The following EPX variants were observed in gnomAD, a reference collection of about 807,000 sequenced individuals.
EPX encodes the protein eosinophil peroxidase.
EPX carries 60 observed loss-of-function variants against 73.0 expected under a neutral mutation model. The ratio of observed to expected loss-of-function variants is 0.82; its 90% CI spans 0.67 to 1.02. EPX has a LOEUF of 1.02. Among genes scored for constraint, EPX ranks in the 50% least tolerant of loss-of-function variants. EPX has a pLI of 0.00. For missense variants in EPX, 950 were observed against 973.9 expected, an observed-to-expected ratio of 0.98 and a Z score of 0.33; for synonymous variants, 347 against 389.2, an observed-to-expected ratio of 0.89 and a Z score of 1.28.
chr17:58,204,486 T>A, intron 12 of EPX, 52 bp downstream of exon 12: 2 of 1,080,530 alleles, frequency 1.9e-6, no homozygotes, highest in Non-Finnish European at 2.8e-6. Context: ...CCTCACATCC[T>A]TCCCTGGATG....
chr17:58,199,639 G>A lies in EPX; in HGVS notation c.1382G>A (p.Arg461Gln), dbSNP rs755177124. 1.4e-5 allele frequency: 23 copies of A among 1,614,080 alleles called. No individual in the cohort carries two copies. The highest frequency in any genetic ancestry group is 1.6e-4 in the Middle Eastern group (1 of 6,084). ...GGGTACTGCTCCAATGTGGACCCAC[G>A]GGTGGCCAATGTCTTCACCCTGGCC... is the stretch of plus-strand genomic sequence containing the variant. ...YRGYCSNVDPRVANVFTLAFR... is the reference protein window; with the variant it reads ...YRGYCSNVDPQVANVFTLAFR... Residue 461 changes from arginine (R) to glutamine (Q), a missense_variant, in exon 9 of 13, where the codon CGG (arginine) becomes CAG (glutamine). Physicochemically the swap from Arg to Gln is conservative, Grantham distance 43. Coordinates refer to ENST00000225371, the MANE Select transcript of EPX (RefSeq NM_000502.6).
At chr17:58,199,349 T>C in intron 8 of EPX, 149 bp downstream of exon 8, 1 of 1,108,878 alleles carries the variant, frequency 9.0e-7, no homozygotes, top group Non-Finnish European at 1.3e-6. Context: ...CGATTCTGCC[T>C]CTAACTCCCG....
At chr17:58,204,551 T>C in intron 12 of EPX, 117 bp downstream of exon 12, 1 of 674,324 alleles carries the variant, frequency 1.5e-6, no homozygotes, top group South Asian at 1.7e-5. Flanking sequence ...TGTCACTAGG[T>C]ACTCTTTCCA....
intron 8 of EPX, 129 bp downstream of exon 8, chr17:58,199,329 C>A: frequency 8.7e-7 from 1 of 1,151,534 alleles, no homozygotes; most frequent in Non-Finnish European, 1.3e-6. Flanking sequence ...CTGGACCTGT[C>A]CTCTGGCCCC....
At position 58,204,805 on chromosome 17, in the gene EPX, C is replaced by T. The variant is rs1437228569; in HGVS notation, c.*81C>T. 1 of 266,144 alleles carries T rather than the reference C, an allele frequency of 3.8e-6. No individual in the cohort carries two copies. The highest frequency in any genetic ancestry group is 9.1e-5 in the East Asian group (1 of 11,046). 16.5% of individuals were successfully genotyped at this position (266,144 alleles called of 1,614,324 possible). A position where few individuals can be genotyped will look rare whatever the true frequency, so the allele number is the denominator to read the frequency against. On this transcript the variant is annotated 3_prime_UTR_variant, in exon 13 of 13. Coordinates refer to ENST00000225371, the MANE Select transcript of EPX (RefSeq NM_000502.6). ...AGGACCATGAGGCTGCCTTGTCTCCCTGGAGCAAGTGCAGGCTGCTGACGC... is the reference window on the plus strand; with the variant it reads ...AGGACCATGAGGCTGCCTTGTCTCCTTGGAGCAAGTGCAGGCTGCTGACGC...
chr17:58,201,452 C>A (rs1968339865), intron 10 of EPX, among the ~76,000 whole-genome samples: 1 of 152,150 alleles, frequency 6.6e-6, no homozygotes, highest in Non-Finnish European at 1.5e-5. Flanking sequence ...ACAGCCAATG[C>A]AGGTATTTAT....
rs377298713 is a variant in EPX at position 58,196,896 on chromosome 17, C to T, written c.802-43C>T. On this transcript the variant is annotated intron_variant, in intron 6 of 12. Transcript: ENST00000225371. ...AAGATGACGGAGAGGAGTGAGTCTG[C>T]TATTGAGGGGGCCCCATGTCACTGT... 43 of 1,459,876 alleles carry T rather than the reference C, an allele frequency of 2.9e-5. No homozygotes were observed. In the South Asian group the frequency reaches 4.3e-4, roughly 15 times the overall value. 90.4% of individuals were successfully genotyped at this position (1,459,876 alleles called of 1,614,324 possible).
At position 58,204,218 on chromosome 17, in the gene EPX, G is replaced by C; in HGVS notation, c.1947-4G>C. On this transcript the variant is annotated splice_polypyrimidine_tract_variant and splice_region_variant and intron_variant, in intron 11 of 12. Coordinates refer to ENST00000225371, the MANE Select transcript of EPX (RefSeq NM_000502.6). ...TTCACCCACATCTCTCGACTGCCTG[G>C]TAGGTTCTGGTGGCAGAAACGAGGT... The C allele has an allele frequency of 6.2e-7, 1 of 1,612,402 alleles. No homozygotes were observed. The highest frequency in any genetic ancestry group is 8.5e-7 in the Non-Finnish European group (1 of 1,178,464).
chr17:58,199,101 G>A lies in EPX; in HGVS notation c.1182G>A (p.Glu394=), dbSNP rs768866089. 14 of 1,614,004 alleles carry A rather than the reference G, an allele frequency of 8.7e-6. No individual in the cohort carries two copies. Among genetic ancestry groups the A allele is most frequent in the Non-Finnish European group, 1.2e-5 (14 of 1,179,986 alleles). ...CCATGCACACCCTCTTTATGCGAGA[G>A]CACAACCGGCTGGCCACCGAGCTGA... The part of the protein sequence containing the change: ...LAAMHTLFMR[E]HNRLATELRR... The change falls in exon 8 of 13, where the codon GAG becomes GAA. Residue 394 remains glutamate (E), a synonymous_variant. Coordinates refer to ENST00000225371, the MANE Select transcript of EPX (RefSeq NM_000502.6).
chr17:58,197,810 G>A (rs1968281901), intron 7 of EPX, among the ~76,000 whole-genome samples: 1 of 152,044 alleles, frequency 6.6e-6, no homozygotes. Flanking sequence ...AATAATGGTA[G>A]TCATTTCTCA....
At chr17:58,193,180 G>A (rs1428570752) in intron 2 of EPX, 49 bp downstream of exon 2, 19 of 1,400,018 alleles carry the variant, frequency 1.4e-5, no homozygotes, top group Non-Finnish European at 1.7e-5. Context: ...TCAGTGAGGG[G>A]CATGGGCCCC....
At chr17:58,197,834 CTTA>C (rs33937391) in intron 7 of EPX, among the ~76,000 whole-genome samples, 1 of 151,732 alleles carries the variant, frequency 6.6e-6, no homozygotes, top group Non-Finnish European at 1.5e-5. Context: ...AGATATTTAT[CTTA>C]TTATTATTAT....
In EPX at chr17:58,199,523, C is replaced by T. The variant is rs1175966683; in HGVS notation, c.1282-16C>T. ...GAGTAGCCTCTGGGGAATGTTCCTC[C>T]TGTCTTCCCTTCCAGATCATCACCT... On this transcript the variant is annotated splice_polypyrimidine_tract_variant and intron_variant, in intron 8 of 12. Coordinates refer to ENST00000225371, the MANE Select transcript of EPX (RefSeq NM_000502.6). 1 of 1,614,030 alleles carries T rather than the reference C, an allele frequency of 6.2e-7. No homozygotes were observed. Among genetic ancestry groups the T allele is most frequent in the Non-Finnish European group, 8.5e-7 (1 of 1,179,978 alleles).
At chr17:58,204,003 C>T (rs915854697) in intron 11 of EPX, among the ~76,000 whole-genome samples, 1 of 144,030 alleles carries the variant, frequency 6.9e-6, no homozygotes, top group African/African-American at 2.6e-5. Flanking sequence ...TGGTATTGCC[C>T]GAGTTCAAAT....
chr17:58,199,319 C>T, intron 8 of EPX, 119 bp downstream of exon 8: 1 of 1,198,560 alleles, frequency 8.3e-7, no homozygotes, highest in Admixed American at 2.0e-5. Flanking sequence ...GGCGGAGCAC[C>T]TGGACCTGTC....
chr17:58,199,959 G>A (rs182236137), intron 9 of EPX, among the ~76,000 whole-genome samples, 165 bp downstream of exon 9: 143 of 152,320 alleles, frequency 9.4e-4, no homozygotes, highest in Admixed American at 7.7e-3. Flanking sequence ...CCTCAGTCAC[G>A]GGCCTCCCAT....
At position 58,198,252 on chromosome 17, in the gene EPX, GC is replaced by G. The variant is rs34630438; in HGVS notation, c.1121-785del. Among the ~76,000 whole-genome samples the G allele has an allele frequency of 3.3e-3, 510 of 152,258 alleles. 7 individuals are homozygous for G. Among genetic ancestry groups the G allele is most frequent in the African/African-American group, 0.012 (492 of 41,546 alleles). On this transcript the variant is annotated intron_variant, in intron 7 of 12. Transcript: ENST00000225371. ...GAGACTCAGGGAAAGTGAATCATGC[GC>G]CCAAGAGCACAGAGTTAGTTTCAAA...
rs760197240 is a variant in EPX, at chr17:58,196,949, A to G, written c.812A>G (p.Asn271Ser). 6.2e-6 allele frequency: 10 copies of G among 1,613,394 alleles called. No individual in the cohort carries two copies. The East Asian group carries it at 1.1e-4, about 18-fold the overall frequency. The change falls in exon 7 of 13, where the codon AAT becomes AGT. Residue 271 changes from asparagine (N) to serine (S), a missense_variant. Transcript: ENST00000225371. Reference sequence around the variant, plus strand: ...CCTCTTCCATCTCAGATCCCACCCAATGACCCCCGCATCAAGAACCAGCGT... The same window carrying G: ...CCTCTTCCATCTCAGATCCCACCCAGTGACCCCCGCATCAAGAACCAGCGT... The part of the protein sequence containing the change: ...PPCFPIKIPP[N>S]DPRIKNQRDC...
intron 10 of EPX, among the ~76,000 whole-genome samples, chr17:58,200,708 G>A (rs1007641364): frequency 1.3e-5 from 2 of 152,210 alleles, no homozygotes; most frequent in African/African-American, 4.8e-5. Context: ...TAAAAGGCAG[G>A]GAAGAACTGC....
Sources: gnomAD v4.1 joint callset for allele counts (sites outside exome capture counted in the v4.1 genomes callset) on GRCh38, gnomAD v4.1.1 for gene constraint, MANE v1.5 for transcripts, NCBI Gene and HGNC (gene_info 2026-07-23, HGNC 2026-07-21) for gene names.